Variants in TMEM175 observed in about 807,000 individuals in gnomAD.
TMEM175 encodes the protein endosomal/lysosomal proton channel TMEM175.
TMEM175 carries 36 observed loss-of-function variants against 36.5 expected under a neutral mutation model. The observed-to-expected ratio is 0.99, with a 90% CI of 0.76 to 1.30. The LOEUF (loss-of-function observed/expected upper bound fraction) is 1.30, where lower values mean the gene tolerates loss of function less well. Among genes scored for constraint, TMEM175 ranks in the 50% most tolerant of loss-of-function variants. The pLI is 0.00. For missense variants in TMEM175, 705 were observed against 692.8 expected, an observed-to-expected ratio of 1.02 and a Z score of -0.20; for synonymous variants, 339 against 313.4, an observed-to-expected ratio of 1.08 and a Z score of -0.86.
chr4:956,038 GC>G, intron 10 of TMEM175, 148 bp downstream of exon 10: 2 of 1,042,536 alleles, frequency 1.9e-6, no homozygotes, highest in Non-Finnish European at 2.7e-6. Flanking sequence ...GGTCAGGGCA[GC>G]CCCCACTTCA....
In TMEM175 at chr4:951,816, G is replaced by A. The variant is rs989521856; in HGVS notation, c.378+99G>A. ...GACCAGCTGGATGGCCCAGGGCCCA[G>A]GCCACACGGTTGTAGAGAAGAGAGA... On this transcript the variant is annotated intron_variant, in intron 6 of 10. Coordinates refer to ENST00000264771, the MANE Select transcript of TMEM175 (RefSeq NM_032326.4). The A allele has an allele frequency of 1.2e-5, 15 of 1,299,630 alleles. No homozygotes were observed. In the African/African-American group the frequency reaches 1.7e-4, roughly 15 times the overall value. 80.5% of individuals were successfully genotyped at this position (1,299,630 alleles called of 1,614,324 possible). A position where few individuals can be genotyped will look rare whatever the true frequency, so the allele number is the denominator to read the frequency against.
At chr4:947,944 A>G (rs774304057) in intron 2 of TMEM175, 52 bp downstream of exon 2, 3 of 1,613,216 alleles carry the variant, frequency 1.9e-6, no homozygotes. Flanking sequence ...CTCTCGAGGC[A>G]CTGCCCAGCC....
intron 1 of TMEM175, among the ~76,000 whole-genome samples, chr4:940,629 C>G (rs1346288133): frequency 6.6e-6 from 1 of 152,036 alleles, no homozygotes; most frequent in Admixed American, 6.6e-5. Context: ...CTAATGTAAA[C>G]TATGGACTTA....
chr4:952,442 G>C lies in TMEM175; in HGVS notation c.454G>C (p.Val152Leu). Residue 152 changes from valine (V) to leucine (L), a missense_variant, in exon 7 of 11, where the codon GTC becomes CTC. By Grantham distance (32) the Val-to-Leu change is conservative. Coordinates refer to ENST00000264771, the MANE Select transcript of TMEM175 (RefSeq NM_032326.4). ...CTGTGTGTGTGTGATCGCCATTGGGGTCGTGCAGGTAGGGGGCCTGGGGGG... is the reference window on the plus strand; with the variant it reads ...CTGTGTGTGTGTGATCGCCATTGGGCTCGTGCAGGTAGGGGGCCTGGGGGG... ...LFCVCVIAIG[V>L]VQALIVGYAF... The C allele has an allele frequency of 1.9e-6, 3 of 1,586,986 alleles. No individual in the cohort carries two copies. The highest frequency in any genetic ancestry group is 2.6e-6 in the Non-Finnish European group (3 of 1,168,256).
At position 952,409 on chromosome 4, in the gene TMEM175, T is replaced by A; in HGVS notation, c.421T>A (p.Phe141Ile). ...VTFPDVPLGI[F>I]LFCVCVIAIG... ...CTTCCCTGATGTGCCTCTGGGCATCTTCTTGTTCTGTGTGTGTGTGATCGC... is the reference window on the plus strand; with the variant it reads ...CTTCCCTGATGTGCCTCTGGGCATCATCTTGTTCTGTGTGTGTGTGATCGC... Residue 141 changes from phenylalanine to isoleucine, a missense_variant, in exon 7 of 11, where the codon TTC (phenylalanine) becomes ATC (isoleucine). Physicochemically the swap from Phe to Ile is conservative, Grantham distance 21. Transcript: ENST00000264771. 6.2e-7 allele frequency: 1 copy of A among 1,611,846 alleles called. No homozygotes were observed. Among genetic ancestry groups the A allele is most frequent in the Non-Finnish European group, 8.5e-7 (1 of 1,179,966 alleles).
intron 1 of TMEM175, among the ~76,000 whole-genome samples, chr4:936,525 T>C (rs923359155): frequency 6.6e-5 from 10 of 152,060 alleles, no homozygotes; most frequent in Admixed American, 5.9e-4. Flanking sequence ...ATTACCAATA[T>C]CAGGAATGAG....
At chr4:936,848 T>C (rs1018946677) in intron 1 of TMEM175, among the ~76,000 whole-genome samples, 3 of 152,040 alleles carry the variant, frequency 2.0e-5, no homozygotes, top group African/African-American at 4.8e-5. Context: ...TCCCAGCTAC[T>C]TGGGAGGCTG....
rs371642488 is a variant in TMEM175, at chr4:953,208, G to A, written c.481G>A (p.Ala161Thr). The A allele has an allele frequency of 9.3e-6, 15 of 1,610,974 alleles. No homozygotes were observed. Among genetic ancestry groups the A allele is most frequent in the East Asian group, 2.2e-5 (1 of 44,826 alleles). ...CCCGCAGGCACTGATTGTGGGGTAC[G>A]CATTCCACTTCCCGCACCTGCTGAG... ...GVVQALIVGYAFHFPHLLSPQ... is the reference protein window; with the variant it reads ...GVVQALIVGYTFHFPHLLSPQ... Residue 161 changes from alanine to threonine, a missense_variant, in exon 8 of 11, where the codon GCA becomes ACA. Coordinates refer to ENST00000264771, the MANE Select transcript of TMEM175 (RefSeq NM_032326.4).
rs575717445 is a variant in TMEM175, at chr4:936,720, C to T, written c.-32+4180C>T. ...CCTGTAATCCCAGCACTTTGGGAGG[C>T]CAAGGCAGGTGGATCACAAGGTCAG... is the stretch of plus-strand genomic sequence containing the variant. On this transcript the variant is annotated intron_variant, in intron 1 of 10. Transcript: ENST00000264771. Among the ~76,000 whole-genome samples, 8 of 152,258 alleles carry T rather than the reference C, an allele frequency of 5.3e-5. No homozygotes were observed. In the South Asian group the frequency reaches 1.7e-3, roughly 32 times the overall value.
chr4:954,032 A>G (rs1447400047), intron 8 of TMEM175, among the ~76,000 whole-genome samples: 2 of 150,250 alleles, frequency 1.3e-5, no homozygotes, highest in East Asian at 4.0e-4. Context: ...TTTTGCTGCC[A>G]GGCTGGAGTG....
intron 1 of TMEM175, among the ~76,000 whole-genome samples, chr4:938,767 G>A (rs761193953): frequency 7.9e-5 from 12 of 152,170 alleles, no homozygotes; most frequent in Admixed American, 7.9e-4. Context: ...CATAATAAAT[G>A]GAGAGATATG....
chr4:951,841 A>G (rs927992569), intron 6 of TMEM175, 124 bp downstream of exon 6: 1 of 1,123,822 alleles, frequency 8.9e-7, no homozygotes, highest in Non-Finnish European at 1.3e-6. Flanking sequence ...GAGAAGAGAG[A>G]AGGTTCTGGG....
chr4:948,741 T>C, intron 3 of TMEM175: 1 of 1,074,914 alleles, frequency 9.3e-7, no homozygotes, highest in Admixed American at 3.5e-5. Flanking sequence ...TGGCTCTGTG[T>C]CCTCATGACA....
chr4:941,240 A>T (rs1264814443), intron 1 of TMEM175, among the ~76,000 whole-genome samples: 1 of 148,292 alleles, frequency 6.7e-6, no homozygotes, highest in Non-Finnish European at 1.5e-5. Context: ...GCTGGGTGTT[A>T]TGGCAGGCAC....
In TMEM175 at chr4:958,272, C is replaced by T. The variant is rs1489808059; in HGVS notation, c.1291C>T (p.Leu431=). 2.5e-6 allele frequency: 4 copies of T among 1,606,408 alleles called. No homozygotes were observed. Among genetic ancestry groups the T allele is most frequent in the African/African-American group, 1.3e-5 (1 of 74,928 alleles). Residue 431 remains leucine (L), a synonymous_variant, in exon 11 of 11, where the codon CTG becomes TTG. Coordinates refer to ENST00000264771, the MANE Select transcript of TMEM175 (RefSeq NM_032326.4). ...GCTGGCGCTGTACCCCTGTGCCAGCCTGCTGGCCTTCGCCTCCACCTGCCT... is the reference window on the plus strand; with the variant it reads ...GCTGGCGCTGTACCCCTGTGCCAGCTTGCTGGCCTTCGCCTCCACCTGCCT... ...AKLALYPCAS[L]LAFASTCLLS...
intron 9 of TMEM175, 89 bp downstream of exon 9, chr4:955,572 C>A: frequency 2.0e-6 from 3 of 1,484,354 alleles, no homozygotes; most frequent in Non-Finnish European, 2.8e-6. Context: ...GTCCGTGGGC[C>A]GAGGCCCGTG....
At chr4:951,318 G>A in intron 5 of TMEM175, 60 bp downstream of exon 5, 4 of 1,588,804 alleles carry the variant, frequency 2.5e-6, no homozygotes, top group Non-Finnish European at 3.5e-6. Context: ...GACCCTCAGG[G>A]AAGAGGGGAA....
chr4:937,583 A>C (rs1577381229), intron 1 of TMEM175, among the ~76,000 whole-genome samples: 2 of 152,332 alleles, frequency 1.3e-5, no homozygotes, highest in East Asian at 1.9e-4. Flanking sequence ...AAGACTCCAA[A>C]CTTAGATAGC....
chr4:948,016 A>AGGG, intron 2 of TMEM175, 100 bp from the exon 3 acceptor site: 1 of 1,608,692 alleles, frequency 6.2e-7, no homozygotes, highest in Non-Finnish European at 8.5e-7. Flanking sequence ...CAGGCAGCTT[A>AGGG]GGGGGGCCCA....
Sources: allele counts gnomAD v4.1 joint callset (sites outside exome capture counted in the v4.1 genomes callset), GRCh38; gene constraint gnomAD v4.1.1; transcripts MANE v1.5; gene names NCBI Gene and HGNC (gene_info 2026-07-23, HGNC 2026-07-21).